The following CREBBP variants were observed in gnomAD, a reference collection of about 807,000 sequenced individuals.
The protein encoded by CREBBP is CREB-binding protein.
CREBBP carries 19 observed loss-of-function variants against 265.0 expected under a neutral mutation model. The ratio of observed to expected loss-of-function variants is 0.07; its 90% CI spans 0.05 to 0.11. CREBBP has a LOEUF of 0.11. CREBBP is among the 10% of genes least tolerant of loss of function. The probability of loss-of-function intolerance (pLI) is 1.00; values close to 1 mark genes in which losing one functional copy is unlikely to be tolerated. For synonymous variants in CREBBP, 1,457 were observed against 1,223.7 expected, an observed-to-expected ratio of 1.19 and a Z score of -3.98; for missense variants, 2,525 against 3,219.0, an observed-to-expected ratio of 0.78 and a Z score of 5.22.
chr16:3,819,544 G>A (rs1315266625), intron 2 of CREBBP, among the ~76,000 whole-genome samples: 1 of 152,160 alleles, frequency 6.6e-6, no homozygotes, highest in Non-Finnish European at 1.5e-5. Flanking sequence ...AGGACGATAG[G>A]GAGAGGCCGG....
intron 23 of CREBBP, chr16:3,740,996 G>A (rs138033874): frequency 9.8e-6 from 3 of 304,740 alleles, no homozygotes; most frequent in Admixed American, 4.5e-5. Context: ...ACGTTCTAGG[G>A]CTAACCAATT....
intron 2 of CREBBP, among the ~76,000 whole-genome samples, chr16:3,826,041 G>C (rs9924963): frequency 6.6e-6 from 1 of 152,200 alleles, no homozygotes. Flanking sequence ...AGGCCACATG[G>C]CAAATCTCCA....
intron 1 of CREBBP, among the ~76,000 whole-genome samples, chr16:3,858,193 T>C (rs2141532040): frequency 6.6e-6 from 1 of 152,354 alleles, no homozygotes; most frequent in South Asian, 2.1e-4. Flanking sequence ...AATGAACTAC[T>C]AGAATCAAAC....
intron 5 of CREBBP, among the ~76,000 whole-genome samples, chr16:3,786,607 G>C (rs2053393371): frequency 1.3e-5 from 2 of 152,182 alleles, no homozygotes; most frequent in African/African-American, 4.8e-5. Flanking sequence ...CAGCACGAGA[G>C]TGAGCCACGG....
At chr16:3,829,892 T>C (rs895411965) in intron 2 of CREBBP, among the ~76,000 whole-genome samples, 2 of 152,130 alleles carry the variant, frequency 1.3e-5, no homozygotes, top group African/African-American at 4.8e-5. Flanking sequence ...TGTTGGAATT[T>C]GCCTCTACAA....
At chr16:3,730,976 TC>T (rs1249671504) in intron 30 of CREBBP, among the ~76,000 whole-genome samples, 1 of 152,154 alleles carries the variant, frequency 6.6e-6, no homozygotes, top group Non-Finnish European at 1.5e-5. Context: ...CCTCTGGCCG[TC>T]CCCAGGGTCA....
intron 2 of CREBBP, among the ~76,000 whole-genome samples, chr16:3,818,436 T>C (rs1596999104): frequency 1.3e-5 from 2 of 151,566 alleles, no homozygotes; most frequent in South Asian, 4.2e-4. Context: ...GCCTCCTGAG[T>C]AGCTGGGACT....
chr16:3,830,346 GAGCCCAGACTGCGCCACTGGA>G (rs893116225), intron 2 of CREBBP, among the ~76,000 whole-genome samples: 4 of 152,056 alleles, frequency 2.6e-5, no homozygotes, highest in Non-Finnish European at 4.4e-5. Context: ...AGGTTGCAGG[GAGCCCAGACTGCGCCACTGGA>G]CTGCAGCTTA....
At chr16:3,782,477 T>A (rs1389010163) in intron 6 of CREBBP, among the ~76,000 whole-genome samples, 1 of 152,228 alleles carries the variant, frequency 6.6e-6, no homozygotes. Context: ...AACAAAAACA[T>A]TGCTTCATTT....
At chr16:3,752,191 A>G (rs960189061) in intron 19 of CREBBP, among the ~76,000 whole-genome samples, 2 of 152,236 alleles carry the variant, frequency 1.3e-5, no homozygotes, top group African/African-American at 4.8e-5. Flanking sequence ...CTAGAATTGC[A>G]TGGAGCCCAA....
chr16:3,795,756 C>T (rs1252912555), intron 3 of CREBBP, among the ~76,000 whole-genome samples: 2 of 152,050 alleles, frequency 1.3e-5, no homozygotes, highest in African/African-American at 4.8e-5. Flanking sequence ...GAGAAATCAA[C>T]AGGAATGGAG....
chr16:3,730,856 G>C (rs962571873), intron 30 of CREBBP, among the ~76,000 whole-genome samples: 1 of 152,162 alleles, frequency 6.6e-6, no homozygotes, highest in Admixed American at 6.5e-5. Flanking sequence ...GGGTCCTTCA[G>C]GAACAAGTGG....
At position 3,792,018 on chromosome 16, in the gene CREBBP, G is replaced by C; in HGVS notation, c.1293C>G (p.Leu431=). 1.2e-6 allele frequency: 2 copies of C among 1,614,208 alleles called. No individual in the cohort carries two copies. Among genetic ancestry groups the C allele is most frequent in the East Asian group, 2.2e-5 (1 of 44,888 alleles). The change falls in exon 5 of 31, where the codon CTC becomes CTG. Residue 431 remains leucine (L), a synonymous_variant. Transcript: ENST00000262367. ...GCTTGTCACTGGCATTTTTCAAAGG[G>C]AGGCAAACAGGACAGTCATGTCGTG... ...NCTRHDCPVC[L]PLKNASDKRN...
intron 6 of CREBBP, among the ~76,000 whole-genome samples, chr16:3,782,064 A>C (rs978405716): frequency 1.4e-4 from 21 of 152,260 alleles, no homozygotes; most frequent in Non-Finnish European, 2.5e-4. Flanking sequence ...GCTTAGCTTA[A>C]GCCTAAATGT....
intron 2 of CREBBP, among the ~76,000 whole-genome samples, chr16:3,847,496 T>G (rs1410749362): frequency 6.6e-6 from 1 of 152,148 alleles, no homozygotes; most frequent in Non-Finnish European, 1.5e-5. Flanking sequence ...CAACGACACA[T>G]CTTTAAAAAA....
At chr16:3,769,000 G>GA in intron 15 of CREBBP, among the ~76,000 whole-genome samples, 174 bp downstream of exon 15, 1 of 151,550 alleles carries the variant, frequency 6.6e-6, no homozygotes, top group East Asian at 1.9e-4. Context: ...ATTTAAAAAT[G>GA]AAAAACCAAG....
At chr16:3,748,355 G>A (rs770635007) in intron 21 of CREBBP, among the ~76,000 whole-genome samples, 1 of 152,174 alleles carries the variant, frequency 6.6e-6, no homozygotes, top group Non-Finnish European at 1.5e-5. Context: ...AAGACACAAT[G>A]TGAAAAGAAA....
intron 2 of CREBBP, among the ~76,000 whole-genome samples, chr16:3,839,813 AGAAAG>A (rs2054531043): frequency 6.6e-6 from 1 of 151,756 alleles, no homozygotes; most frequent in African/African-American, 2.4e-5. Flanking sequence ...TGGAAAAGAA[AGAAAG>A]GAAAGAAAGA....
intron 1 of CREBBP, among the ~76,000 whole-genome samples, chr16:3,862,148 CGT>C (rs1387597141): frequency 2.6e-5 from 4 of 152,154 alleles, no homozygotes; most frequent in African/African-American, 9.7e-5. Context: ...TAAATTAACA[CGT>C]ATGTCATATT....
Sources: allele counts gnomAD v4.1 joint callset (sites outside exome capture counted in the v4.1 genomes callset), GRCh38; gene constraint gnomAD v4.1.1; transcripts MANE v1.5; gene names NCBI Gene and HGNC (gene_info 2026-07-23, HGNC 2026-07-21).